The following SCAF4 variants were observed in gnomAD, a reference collection of about 807,000 sequenced individuals.
SCAF4 encodes the protein SR-related and CTD-associated factor 4.
A neutral mutation model predicts 129.8 loss-of-function variants in SCAF4; 25 were observed. The observed-to-expected ratio is 0.19, with a 90% CI of 0.14 to 0.27. SCAF4 has a LOEUF of 0.27. Ranked by LOEUF, SCAF4 falls within the 10% of genes least tolerant of loss-of-function variation. The probability of loss-of-function intolerance (pLI) is 1.00; values close to 1 mark genes in which losing one functional copy is unlikely to be tolerated. For missense variants in SCAF4, 1,246 were observed against 1,457.1 expected (o/e 0.86, Z 2.36); for synonymous variants, 551 against 497.7 (o/e 1.11, Z -1.43).
At chr21:31,731,551 G>C (rs971387719) in intron 1 of SCAF4, 112 bp downstream of exon 1, 17 of 1,293,396 alleles carry the variant, frequency 1.3e-5, no homozygotes, top group Non-Finnish European at 1.6e-5. Flanking sequence ...CCCCGGAACC[G>C]GGGCAGGAAG....
At position 31,732,012 on chromosome 21, in the gene SCAF4, C is replaced by T; in HGVS notation, c.-320G>A. On this transcript the variant is annotated 5_prime_UTR_variant, in exon 1 of 20. Coordinates refer to ENST00000286835, the MANE Select transcript of SCAF4 (RefSeq NM_020706.2). Reference sequence around the variant, plus strand: ...TCGCTGACACGGCCCCCCGCGCCCTCACGCACTGGCTCACACTGGCCCGGC... The same window carrying T: ...TCGCTGACACGGCCCCCCGCGCCCTTACGCACTGGCTCACACTGGCCCGGC... The T allele has an allele frequency of 2.1e-6, 1 of 471,996 alleles. No individual in the cohort carries two copies. Among genetic ancestry groups the T allele is most frequent in the East Asian group, 3.6e-5 (1 of 28,148 alleles). The allele number at this position is 471,996 out of a possible 1,614,324, so 29.2% of individuals were successfully genotyped here. A position where few individuals can be genotyped will look rare whatever the true frequency, so the allele number is the denominator to read the frequency against.
chr21:31,731,335 A>G (rs896885693), intron 1 of SCAF4, among the ~76,000 whole-genome samples: 2 of 152,210 alleles, frequency 1.3e-5, no homozygotes, highest in Non-Finnish European at 2.9e-5. Context: ...CTCGCGGAGC[A>G]GAGAGCGAGG....
chr21:31,671,508 C>A lies in SCAF4; in HGVS notation c.3335G>T (p.Gly1112Val), dbSNP rs752680218. The A allele has an allele frequency of 1.9e-6, 3 of 1,614,148 alleles. No individual in the cohort carries two copies. The highest frequency in any genetic ancestry group is 2.5e-6 in the Non-Finnish European group (3 of 1,180,016). The change falls in exon 20 of 20, where the codon GGG (glycine) becomes GTG (valine). Residue 1112 changes from glycine (G) to valine (V), a missense_variant. Gly to Val is a moderately radical substitution (Grantham distance 109). Transcript: ENST00000286835. ...NVDTASELEK[G>V]VSEAAVLKPS... ...CTTTAGGACTGCAGCCTCAGACACCCCCTTCTCAAGTTCTGAAGCAGTGTC... is the reference window on the plus strand; with the variant it reads ...CTTTAGGACTGCAGCCTCAGACACCACCTTCTCAAGTTCTGAAGCAGTGTC...
chr21:31,702,204 T>C (rs774638745), intron 5 of SCAF4, 40 bp downstream of exon 5: 2 of 1,611,532 alleles, frequency 1.2e-6, no homozygotes, highest in East Asian at 2.2e-5. Context: ...GTGCAAAAAA[T>C]CATACCATTG....
At chr21:31,706,740 G>C (rs889460667) in intron 1 of SCAF4, 3 of 232,442 alleles carry the variant, frequency 1.3e-5, no homozygotes, top group Admixed American at 1.1e-4. Context: ...GAAAGGGAGG[G>C]GGAGCAAAGA....
chr21:31,717,890 T>TAC lies in SCAF4; in HGVS notation c.31-11534_31-11533insGT, dbSNP rs1465281491. On this transcript the variant is annotated intron_variant, in intron 1 of 19. Transcript: ENST00000286835. ...ACACACATATACACATATATACACA[T>TAC]ATATACACATATATACACACACACA... Among the ~76,000 whole-genome samples, 55 of 104,702 alleles carry TAC rather than the reference T, an allele frequency of 5.3e-4. 2 individuals are homozygous for TAC. The highest frequency in any genetic ancestry group is 2.3e-3 in the African/African-American group (54 of 23,960). The allele number at this position is 104,702 out of a possible 152,430, so 68.7% of individuals were successfully genotyped here.
intron 16 of SCAF4, among the ~76,000 whole-genome samples, chr21:31,685,963 G>A (rs774277905): frequency 2.1e-4 from 32 of 152,228 alleles, no homozygotes; most frequent in Non-Finnish European, 4.1e-4. Context: ...AGCATTTTGG[G>A]AGGCCGAGGC....
intron 19 of SCAF4, among the ~76,000 whole-genome samples, chr21:31,677,829 C>T (rs1012113991): frequency 6.6e-6 from 1 of 152,134 alleles, no homozygotes. Context: ...CTACTTGTAG[C>T]TATGTGACCC....
chr21:31,709,473 GC>G (rs1349979427), intron 1 of SCAF4, among the ~76,000 whole-genome samples: 1 of 151,964 alleles, frequency 6.6e-6, no homozygotes, highest in Non-Finnish European at 1.5e-5. Flanking sequence ...TTCATCTAAT[GC>G]CCCCAAAAAG....
chr21:31,721,941 A>T (rs1164786950), intron 1 of SCAF4, among the ~76,000 whole-genome samples: 4 of 152,014 alleles, frequency 2.6e-5, no homozygotes, highest in African/African-American at 9.7e-5. Context: ...GCTGGTCTCA[A>T]ACTTCTGACC....
chr21:31,707,304 G>C (rs1346502569), intron 1 of SCAF4, among the ~76,000 whole-genome samples: 3 of 152,182 alleles, frequency 2.0e-5, no homozygotes, highest in Admixed American at 6.5e-5. Flanking sequence ...AGTGAGCCAA[G>C]ACTGCATCAC....
rs1361714238 is a variant in SCAF4 at position 31,671,357 on chromosome 21, C to T, written c.*42G>A. 1.3e-6 allele frequency: 2 copies of T among 1,589,494 alleles called. No individual in the cohort carries two copies. Among genetic ancestry groups the T allele is most frequent in the South Asian group, 1.2e-5 (1 of 85,812 alleles). ...GCATCTGTACACCTCAAGCTCTACA[C>T]TCCAGGAAGTGTCACTGTCACATTT... On this transcript the variant is annotated 3_prime_UTR_variant, in exon 20 of 20. Transcript: ENST00000286835.
At chr21:31,721,401 A>C (rs1211569616) in intron 1 of SCAF4, among the ~76,000 whole-genome samples, 1 of 152,224 alleles carries the variant, frequency 6.6e-6, no homozygotes, top group African/African-American at 2.4e-5. Flanking sequence ...AAAGGCTTTA[A>C]AACGGATATC....
chr21:31,679,132 T>C (rs2049937752), intron 19 of SCAF4, among the ~76,000 whole-genome samples: 1 of 152,228 alleles, frequency 6.6e-6, no homozygotes, highest in African/African-American at 2.4e-5. Flanking sequence ...CTAGGAGGAC[T>C]TGAACTTTGA....
rs529269491 is a variant in SCAF4 at position 31,698,205 on chromosome 21, G to A, written c.778-1455C>T. On this transcript the variant is annotated intron_variant, in intron 7 of 19. Transcript: ENST00000286835. ...GGGGTCTACCCAAAAAGAAATTTTAGTTGCTTTTTAGGAAACTGAAGATCT... is the reference window on the plus strand; with the variant it reads ...GGGGTCTACCCAAAAAGAAATTTTAATTGCTTTTTAGGAAACTGAAGATCT... Among the ~76,000 whole-genome samples the A allele has an allele frequency of 9.8e-5, 15 of 152,306 alleles. No individual in the cohort carries two copies. The South Asian group carries it at 3.1e-3, about 32-fold the overall frequency.
At chr21:31,692,025 A>AC (rs1324163912) in intron 13 of SCAF4, 95 bp from the exon 14 acceptor site, 2 of 643,448 alleles carry the variant, frequency 3.1e-6, no homozygotes, top group East Asian at 5.4e-5. Flanking sequence ...CCCATCCCTC[A>AC]CCCCATGCTA....
chr21:31,693,230 A>G (rs1755666600), intron 12 of SCAF4, 64 bp downstream of exon 12: 1 of 1,195,238 alleles, frequency 8.4e-7, no homozygotes, highest in Non-Finnish European at 1.1e-6. Context: ...AACAGTTATA[A>G]AACACTTTAA....
chr21:31,701,699 T>A, intron 6 of SCAF4, 77 bp downstream of exon 6: 2 of 1,442,396 alleles, frequency 1.4e-6, no homozygotes, highest in Non-Finnish European at 1.9e-6. Flanking sequence ...ATGTGCTTAT[T>A]AATGAAGAAT....
rs369851140 is a variant in SCAF4, at chr21:31,688,714, T to A, written c.1886-250A>T. 3.9e-5 allele frequency among the ~76,000 whole-genome samples: 6 copies of A among 152,342 alleles called. No homozygotes were observed. In the East Asian group the frequency reaches 7.7e-4, roughly 20 times the overall value. ...TTTAGTTCTCACAACCATTTACAAG[T>A]AGATACTACTATTATTCCCATTTCA... On this transcript the variant is annotated intron_variant, in intron 15 of 19. Coordinates refer to ENST00000286835, the MANE Select transcript of SCAF4 (RefSeq NM_020706.2).
Sources: gnomAD v4.1 joint callset for allele counts (sites outside exome capture counted in the v4.1 genomes callset) on GRCh38, gnomAD v4.1.1 for gene constraint, MANE v1.5 for transcripts, NCBI Gene and HGNC (gene_info 2026-07-23, HGNC 2026-07-21) for gene names.